The following SLC24A2 variants were observed in gnomAD, a reference collection of about 807,000 sequenced individuals.
The protein encoded by SLC24A2 is sodium/potassium/calcium exchanger 2.
Under a neutral mutation model 62.0 loss-of-function variants are expected in SLC24A2, and 36 were observed. The observed-to-expected ratio is 0.58, with a 90% CI of 0.44 to 0.77. The LOEUF is 0.77. Ranked by LOEUF, SLC24A2 falls within the 30% of genes least tolerant of loss-of-function variation. The pLI, the probability that SLC24A2 is intolerant of heterozygous loss-of-function variation, is 0.00. For synonymous variants in SLC24A2, 358 were observed against 294.0 expected (o/e 1.22, Z -2.23); for missense variants, 846 against 817.9 (o/e 1.03, Z -0.42).
the SLC24A2 span, among the ~76,000 whole-genome samples, chr9:20,280,134 T>C: frequency 6.6e-6 from 1 of 152,042 alleles, no homozygotes; most frequent in South Asian, 2.1e-4. Flanking sequence ...AAAAAGTAGT[T>C]TATTAGGGGA....
At chr9:20,261,841 G>A in the SLC24A2 span, among the ~76,000 whole-genome samples, 6 of 134,540 alleles carry the variant, frequency 4.5e-5, no homozygotes, top group East Asian at 2.5e-4. Flanking sequence ...CCAGATTCAC[G>A]CCATTCTCCT....
At chr9:20,060,441 T>A in the SLC24A2 span, among the ~76,000 whole-genome samples, 2 of 152,106 alleles carry the variant, frequency 1.3e-5, no homozygotes, top group African/African-American at 4.8e-5. Context: ...ATAAAAAGGA[T>A]TATTATTAAC....
chr9:19,972,227 G>C, the SLC24A2 span, among the ~76,000 whole-genome samples: 1 of 152,110 alleles, frequency 6.6e-6, no homozygotes, highest in Non-Finnish European at 1.5e-5. Flanking sequence ...CTGTGGCAAT[G>C]AGAGTGAGAG....
At chr9:20,074,581 GGAAGGAAGGAAGGAAGGAAGGAAA>G in the SLC24A2 span, among the ~76,000 whole-genome samples, 5 of 86,506 alleles carry the variant, frequency 5.8e-5, no homozygotes, top group African/African-American at 9.0e-5. Flanking sequence ...AAGGAAGGAA[GGAAGGAAGGAAGGAAGGAAGGAAA>G]GAAGGGAGTG....
At chr9:19,778,450 T>C (rs1326809493) in intron 2 of SLC24A2, among the ~76,000 whole-genome samples, 1 of 150,758 alleles carries the variant, frequency 6.6e-6, no homozygotes, top group Non-Finnish European at 1.5e-5. Flanking sequence ...ACACTTTCAG[T>C]AAGCAAATAA....
At chr9:19,727,777 C>G (rs993947484) in intron 2 of SLC24A2, among the ~76,000 whole-genome samples, 2 of 152,134 alleles carry the variant, frequency 1.3e-5, no homozygotes, top group Non-Finnish European at 2.9e-5. Context: ...CCTTACATCC[C>G]TCTCAGCAAA....
At chr9:19,891,312 A>G in the SLC24A2 span, among the ~76,000 whole-genome samples, 3 of 152,218 alleles carry the variant, frequency 2.0e-5, no homozygotes, top group South Asian at 6.2e-4. Flanking sequence ...AAGTCTTCCT[A>G]TTGTAATGAG....
chr9:20,007,879 CTTTTTTTTTTTTTT>C, the SLC24A2 span, among the ~76,000 whole-genome samples: 165 of 39,526 alleles, frequency 4.2e-3, 1 homozygote, highest in South Asian at 0.014. Flanking sequence ...TTACTCCTCT[CTTTTTTTTTTTTTT>C]TTTTTTTTTT....
the SLC24A2 span, among the ~76,000 whole-genome samples, chr9:20,135,809 T>G: frequency 6.6e-6 from 1 of 152,144 alleles, no homozygotes; most frequent in Non-Finnish European, 1.5e-5. Context: ...ATTCATATAT[T>G]TCGTGGAGTT....
intron 2 of SLC24A2, among the ~76,000 whole-genome samples, chr9:19,684,168 T>A (rs1245441189): frequency 6.6e-6 from 1 of 152,112 alleles, no homozygotes; most frequent in African/African-American, 2.4e-5. Flanking sequence ...AACTTTTTTT[T>A]ACTGTTTTGT....
At chr9:20,265,124 A>T in the SLC24A2 span, among the ~76,000 whole-genome samples, 2 of 152,238 alleles carry the variant, frequency 1.3e-5, no homozygotes, top group Non-Finnish European at 1.5e-5. Flanking sequence ...GATCCATATC[A>T]ATGGCTGCCT....
chr9:19,751,087 C>T lies in SLC24A2; in HGVS notation c.930+34850G>A, dbSNP rs540456347. On this transcript the variant is annotated intron_variant, in intron 2 of 10. Coordinates refer to ENST00000341998, the MANE Select transcript of SLC24A2 (RefSeq NM_020344.4). ...TGTTCGGTAACATGTTTGTCTTCCT[C>T]GTAGGATTATGAACCTGGGGGAGGG... Among the ~76,000 whole-genome samples, 6 of 152,256 alleles carry T rather than the reference C, an allele frequency of 3.9e-5. No homozygotes were observed. In the South Asian group the frequency reaches 6.2e-4, roughly 16 times the overall value.
chr9:20,245,219 C>A, the SLC24A2 span, among the ~76,000 whole-genome samples: 4 of 152,214 alleles, frequency 2.6e-5, no homozygotes, highest in East Asian at 7.7e-4. Flanking sequence ...GGCAAGTAAA[C>A]AAATACCTGT....
At chr9:19,815,892 A>G in the SLC24A2 span, among the ~76,000 whole-genome samples, 2 of 151,444 alleles carry the variant, frequency 1.3e-5, no homozygotes, top group Non-Finnish European at 2.9e-5. Context: ...GTAATGGAGT[A>G]TAAGTATTAA....
the SLC24A2 span, among the ~76,000 whole-genome samples, chr9:20,239,002 A>G: frequency 6.6e-6 from 1 of 152,148 alleles, no homozygotes; most frequent in African/African-American, 2.4e-5. Context: ...CCAGGAAGAG[A>G]GCTCTCACCA....
At chr9:20,004,636 A>T in the SLC24A2 span, among the ~76,000 whole-genome samples, 2 of 152,268 alleles carry the variant, frequency 1.3e-5, no homozygotes, top group African/African-American at 4.8e-5. Flanking sequence ...AAATTTGTTG[A>T]GCTGGAGTTT....
At chr9:19,800,521 G>A in the SLC24A2 span, among the ~76,000 whole-genome samples, 4 of 152,240 alleles carry the variant, frequency 2.6e-5, no homozygotes, top group East Asian at 5.8e-4. Flanking sequence ...GTTACAAATA[G>A]AGCCATTTCT....
At chr9:19,610,379 T>C (rs1837120865) in intron 4 of SLC24A2, among the ~76,000 whole-genome samples, 1 of 152,184 alleles carries the variant, frequency 6.6e-6, no homozygotes, top group Non-Finnish European at 1.5e-5. Context: ...GTTAAAACAA[T>C]AAACATCTTA....
At chr9:19,574,458 G>A (rs1835947290) in intron 6 of SLC24A2, among the ~76,000 whole-genome samples, 1 of 152,148 alleles carries the variant, frequency 6.6e-6, no homozygotes, top group African/African-American at 2.4e-5. Context: ...TTCACCCTTT[G>A]CAAGTGACTC....
Sources: gnomAD v4.1 joint callset for allele counts (sites outside exome capture counted in the v4.1 genomes callset) on GRCh38, gnomAD v4.1.1 for gene constraint, MANE v1.5 for transcripts, NCBI Gene and HGNC (gene_info 2026-07-23, HGNC 2026-07-21) for gene names.